The following PDK1 variants were observed in gnomAD, a reference collection of about 807,000 sequenced individuals.
PDK1 encodes the protein pyruvate dehydrogenase kinase 1.
A neutral mutation model predicts 54.2 loss-of-function variants in PDK1; 39 were observed. The observed-to-expected ratio is 0.72, with a 90% CI of 0.56 to 0.94. PDK1 has a LOEUF of 0.94. Among genes scored for constraint, PDK1 ranks in the 40% least tolerant of loss-of-function variants. The pLI, the probability that PDK1 is intolerant of heterozygous loss-of-function variation, is 0.00. For synonymous variants in PDK1, 221 were observed against 207.1 expected (o/e 1.07, Z -0.58); for missense variants, 552 against 566.0 (o/e 0.98, Z 0.25).
chr2:172,579,529 T>C (rs538304877), intron 8 of PDK1, among the ~76,000 whole-genome samples: 9 of 148,996 alleles, frequency 6.0e-5, no homozygotes, highest in African/African-American at 1.5e-4. Context: ...CTCTTTCTTT[T>C]TTTTTTTTTT....
At position 172,565,126 on chromosome 2, in the gene PDK1, G is replaced by A. The variant is rs184066061; in HGVS notation, c.691+53G>A. 5.6e-4 allele frequency: 595 copies of A among 1,068,864 alleles called. 4 individuals carry two copies. In the African/African-American group the frequency reaches 7.7e-3, roughly 14 times the overall value. The allele number at this position is 1,068,864 out of a possible 1,614,324, so 66.2% of individuals were successfully genotyped here. A position where few individuals can be genotyped will look rare whatever the true frequency, so the allele number is the denominator to read the frequency against. On this transcript the variant is annotated intron_variant, in intron 5 of 10. Transcript: ENST00000282077. ...AAAAGATACAAAAATCAAAATTATT[G>A]TTATTTCTTACTATTAAAACATCTA...
At chr2:172,613,900 C>A in the PDK1 span, among the ~76,000 whole-genome samples, 1 of 152,054 alleles carries the variant, frequency 6.6e-6, no homozygotes, top group East Asian at 1.9e-4. Flanking sequence ...CTGGGCTCCT[C>A]AAACTGCAGC....
chr2:172,670,323 T>A, the PDK1 span, among the ~76,000 whole-genome samples: 2 of 152,220 alleles, frequency 1.3e-5, no homozygotes, highest in African/African-American at 2.4e-5. Flanking sequence ...AAGGAACATT[T>A]CCATAATTTG....
At chr2:172,626,032 C>G in the PDK1 span, among the ~76,000 whole-genome samples, 1 of 152,170 alleles carries the variant, frequency 6.6e-6, no homozygotes, top group Non-Finnish European at 1.5e-5. Context: ...CAAAATCTTT[C>G]AAAATGCAGT....
chr2:172,556,372 C>T, intron 1 of PDK1, 26 bp downstream of exon 1: 1 of 1,392,576 alleles, frequency 7.2e-7, no homozygotes, highest in Admixed American at 3.1e-5. Context: ...GACCTTGGGC[C>T]TTTTTGCGCG....
the PDK1 span, among the ~76,000 whole-genome samples, chr2:172,662,808 C>A: frequency 6.6e-6 from 1 of 152,040 alleles, no homozygotes; most frequent in Non-Finnish European, 1.5e-5. Context: ...ATGACTAGGC[C>A]TTTTCCCCCT....
chr2:172,635,963 G>C, the PDK1 span, among the ~76,000 whole-genome samples: 1 of 152,198 alleles, frequency 6.6e-6, no homozygotes, highest in Non-Finnish European at 1.5e-5. Flanking sequence ...TGTGACCTAG[G>C]CTCTCCTCTG....
At chr2:172,663,163 G>C in the PDK1 span, among the ~76,000 whole-genome samples, 1 of 152,122 alleles carries the variant, frequency 6.6e-6, no homozygotes, top group South Asian at 2.1e-4. Flanking sequence ...CCAGGTTTCT[G>C]GTTTCTTCTG....
At chr2:172,633,657 CATTTT>C in the PDK1 span, among the ~76,000 whole-genome samples, 1 of 150,628 alleles carries the variant, frequency 6.6e-6, no homozygotes, top group African/African-American at 2.4e-5. Context: ...CAAATATTGA[CATTTT>C]ATATTTGCTT....
chr2:172,636,002 A>T, the PDK1 span, among the ~76,000 whole-genome samples: 1 of 152,142 alleles, frequency 6.6e-6, no homozygotes, highest in Non-Finnish European at 1.5e-5. Flanking sequence ...ACCAAAACTG[A>T]TGTTTCCCTT....
chr2:172,653,673 A>G, the PDK1 span, among the ~76,000 whole-genome samples: 28 of 152,342 alleles, frequency 1.8e-4, no homozygotes, highest in South Asian at 8.3e-4. Context: ...TAAAAACCCT[A>G]GAAGAAAACT....
chr2:172,567,074 A>G (rs1225652291), intron 6 of PDK1, 141 bp downstream of exon 6: 2 of 492,300 alleles, frequency 4.1e-6, no homozygotes, highest in African/African-American at 2.0e-5. Context: ...TCATGTAAAA[A>G]ATATATCTAT....
At chr2:172,680,512 C>T in the PDK1 span, among the ~76,000 whole-genome samples, 1 of 152,012 alleles carries the variant, frequency 6.6e-6, no homozygotes, top group Non-Finnish European at 1.5e-5. Flanking sequence ...CCACCATGCC[C>T]ACTAATTTTT....
At chr2:172,570,893 A>G in intron 8 of PDK1, 69 bp downstream of exon 8, 1 of 836,294 alleles carries the variant, frequency 1.2e-6, no homozygotes, top group South Asian at 1.5e-5. Flanking sequence ...TGCAAAGGTA[A>G]CCATACGCAT....
At chr2:172,628,421 A>C in the PDK1 span, among the ~76,000 whole-genome samples, 6 of 152,160 alleles carry the variant, frequency 3.9e-5, no homozygotes, top group African/African-American at 1.4e-4. Context: ...ATGGTGTAAA[A>C]TCATCACTCC....
chr2:172,581,710 T>C (rs1689920725), intron 8 of PDK1, among the ~76,000 whole-genome samples: 1 of 152,182 alleles, frequency 6.6e-6, no homozygotes, highest in Admixed American at 6.5e-5. Context: ...CCTAGACTTT[T>C]AGAATCAAGG....
At chr2:172,640,511 G>A in the PDK1 span, among the ~76,000 whole-genome samples, 2 of 152,154 alleles carry the variant, frequency 1.3e-5, no homozygotes, top group Admixed American at 6.5e-5. Flanking sequence ...TATATGGTTT[G>A]ATTGATAGAT....
At chr2:172,709,362 A>G in the PDK1 span, among the ~76,000 whole-genome samples, 1 of 152,210 alleles carries the variant, frequency 6.6e-6, no homozygotes, top group South Asian at 2.1e-4. Context: ...GTATTTCATC[A>G]AAGTCATCCC....
At chr2:172,610,628 T>C (rs1558969091), downstream of PDK1, among the ~76,000 whole-genome samples, 2 of 152,230 alleles carry the variant, frequency 1.3e-5, no homozygotes, top group Non-Finnish European at 2.9e-5. Flanking sequence ...CTTTTTTCTT[T>C]AAGATGGAAT....
Sources: allele counts gnomAD v4.1 joint callset (sites outside exome capture counted in the v4.1 genomes callset), GRCh38; gene constraint gnomAD v4.1.1; transcripts MANE v1.5; gene names NCBI Gene and HGNC (gene_info 2026-07-23, HGNC 2026-07-21).